CD1B: variants seen among roughly 807,000 people sequenced by gnomAD.
CD1B encodes the protein CD1b molecule.
CD1B carries 43 observed loss-of-function variants against 39.8 expected under a neutral mutation model. That is an observed-to-expected ratio of 1.08 (90% CI 0.85 to 1.39). CD1B has a LOEUF of 1.39. Among genes scored for constraint, CD1B ranks in the 40% most tolerant of loss-of-function variants. The pLI is 0.00. For synonymous variants in CD1B, 192 were observed against 152.5 expected (o/e 1.26, Z -1.91); for missense variants, 495 against 403.8 (o/e 1.23, Z -1.94).
At chr1:158,308,614 T>C in the CD1B span, among the ~76,000 whole-genome samples, 3 of 152,206 alleles carry the variant, frequency 2.0e-5, no homozygotes, top group African/African-American at 4.8e-5. Flanking sequence ...AACAGCATGG[T>C]ACTGGTACCA....
the CD1B span, among the ~76,000 whole-genome samples, chr1:158,312,780 T>C: frequency 6.6e-6 from 1 of 152,224 alleles, no homozygotes; most frequent in African/African-American, 2.4e-5. Context: ...TATATAAAGT[T>C]GTGATCTCCA....
chr1:158,308,479 T>C, the CD1B span, among the ~76,000 whole-genome samples: 11 of 152,186 alleles, frequency 7.2e-5, no homozygotes, highest in Non-Finnish European at 1.3e-4. Flanking sequence ...TGGAAAAAAC[T>C]ACTTTAAAGT....
intron 2 of CD1B, chr1:158,330,592 A>C (rs952025949): frequency 2.8e-6 from 2 of 714,124 alleles, no homozygotes; most frequent in Non-Finnish European, 2.6e-6. Flanking sequence ...TCTGAGAGTA[A>C]GAGAAGAGTG....
chr1:158,331,369 C>G lies in CD1B; in HGVS notation c.55G>C (p.Glu19Gln). The G allele has an allele frequency of 6.2e-7, 1 of 1,613,786 alleles. No homozygotes were observed. Among genetic ancestry groups the G allele is most frequent in the Non-Finnish European group, 8.5e-7 (1 of 1,179,720 alleles). The part of the protein sequence containing the change: ...LAVLFPGGNS[E>Q]HAFQGPTSFH... Reference sequence around the variant, plus strand: ...CTGCCAGAGTGACTCTTACCATGTTCACTGTTACCACCAGGAAAGAGAACA... The same window carrying G: ...CTGCCAGAGTGACTCTTACCATGTTGACTGTTACCACCAGGAAAGAGAACA... The change falls in exon 1 of 6, where the codon GAA becomes CAA. Residue 19 changes from glutamate to glutamine, a missense_variant. By Grantham distance (29) the Glu-to-Gln change is conservative. Coordinates refer to ENST00000368168, the MANE Select transcript of CD1B (RefSeq NM_001764.3).
At chr1:158,292,701 G>A in the CD1B span, 1 of 1,614,180 alleles carries the variant, frequency 6.2e-7, no homozygotes, top group East Asian at 2.2e-5. Context: ...TGGGTGACAT[G>A]GATGCGGAAT....
the CD1B span, among the ~76,000 whole-genome samples, chr1:158,318,383 C>T: frequency 3.9e-5 from 6 of 152,140 alleles, no homozygotes; most frequent in Non-Finnish European, 5.9e-5. Context: ...ATAGTTAACT[C>T]TTCTTGTTGA....
the CD1B span, among the ~76,000 whole-genome samples, chr1:158,288,382 C>G: frequency 6.6e-6 from 1 of 152,076 alleles, no homozygotes; most frequent in African/African-American, 2.4e-5. Flanking sequence ...AAAACAGAAA[C>G]AATGTTACAA....
the CD1B span, among the ~76,000 whole-genome samples, chr1:158,307,772 C>G: frequency 1.3e-5 from 2 of 151,526 alleles, no homozygotes; most frequent in African/African-American, 4.8e-5. Context: ...AGTCCTTTGA[C>G]AAAATTCAAC....
the CD1B span, among the ~76,000 whole-genome samples, chr1:158,300,402 T>G: frequency 6.6e-6 from 1 of 152,086 alleles, no homozygotes; most frequent in Non-Finnish European, 1.5e-5. Context: ...ACTTCCAATT[T>G]TGTGGTCAAT....
chr1:158,300,485 G>A, the CD1B span, among the ~76,000 whole-genome samples: 112 of 152,276 alleles, frequency 7.4e-4, no homozygotes, highest in African/African-American at 2.5e-3. Context: ...TACCGTAGAT[G>A]TCTATTAGGT....
the CD1B span, among the ~76,000 whole-genome samples, chr1:158,318,761 A>G: frequency 2.6e-5 from 4 of 152,020 alleles, no homozygotes; most frequent in African/African-American, 9.7e-5. Flanking sequence ...CCTAGTCTTG[A>G]TGGTCTTTAC....
rs749468130 is a variant in CD1B, at chr1:158,329,584, G to A, written c.672C>T (p.Cys224=). Residue 224 remains cysteine (C), a synonymous_variant, in exon 4 of 6, where the codon TGC becomes TGT. Transcript: ENST00000368168. ...SPGPGRLQLV[C]HVSGFYPKPV... is the part of the protein sequence containing the mutation. ...GCTTTGGGTAGAATCCTGAGACATGGCACACAAGCTGCAGACGGCCAGGTC... is the reference window on the plus strand; with the variant it reads ...GCTTTGGGTAGAATCCTGAGACATGACACACAAGCTGCAGACGGCCAGGTC... 3 of 1,614,106 alleles carry A rather than the reference G, an allele frequency of 1.9e-6. No individual in the cohort carries two copies. Among genetic ancestry groups the A allele is most frequent in the Non-Finnish European group, 1.7e-6 (2 of 1,180,036 alleles).
the CD1B span, among the ~76,000 whole-genome samples, chr1:158,311,941 A>G: frequency 6.6e-6 from 1 of 152,094 alleles, no homozygotes; most frequent in African/African-American, 2.4e-5. Context: ...ATTTCTACAG[A>G]TTTGCCCTTT....
chr1:158,329,589 C>T lies in CD1B; in HGVS notation c.667G>A (p.Val223Met). The change falls in exon 4 of 6, where the codon GTG becomes ATG. Residue 223 changes from valine (V) to methionine (M), a missense_variant. Coordinates refer to ENST00000368168, the MANE Select transcript of CD1B (RefSeq NM_001764.3). The stretch of plus-strand genomic sequence containing the variant: ...GGGTAGAATCCTGAGACATGGCACA[C>T]AAGCTGCAGACGGCCAGGTCCAGGA... The part of the protein sequence containing the change: ...PSPGPGRLQL[V>M]CHVSGFYPKP... The T allele has an allele frequency of 2.5e-6, 4 of 1,614,096 alleles. No homozygotes were observed. Among genetic ancestry groups the T allele is most frequent in the Non-Finnish European group, 3.4e-6 (4 of 1,180,016 alleles).
the CD1B span, chr1:158,293,334 A>G: frequency 1.6e-5 from 26 of 1,596,894 alleles, no homozygotes; most frequent in Non-Finnish European, 2.1e-5. Flanking sequence ...CTCTCCTCCC[A>G]GTTTCTTATT....
At position 158,328,929 on chromosome 1, in the gene CD1B, CAT is replaced by C. The variant is rs1347454907; in HGVS notation, c.970_971del (p.Met324GlufsTer73). On this transcript the variant is annotated frameshift_variant, in exon 5 of 6. Transcript: ENST00000368168. LOFTEE classifies it high-confidence loss of function. ...CACCACCCACAACTCACCGGCGCCTCATATACCATAATGCAAGGCATAGCAAA... is the reference window on the plus strand; with the variant it reads ...CACCACCCACAACTCACCGGCGCCTCATACCATAATGCAAGGCATAGCAAA... ...LLLLCLALWY[M>X]RRRSYQNIP 1 of 1,609,236 alleles carries C rather than the reference CAT, an allele frequency of 6.2e-7. No individual in the cohort carries two copies. The highest frequency in any genetic ancestry group is 1.7e-5 in the Admixed American group (1 of 59,178).
At chr1:158,309,082 T>G in the CD1B span, among the ~76,000 whole-genome samples, 2 of 152,274 alleles carry the variant, frequency 1.3e-5, no homozygotes, top group African/African-American at 4.8e-5. Context: ...AACCTACTCA[T>G]CTGACAAAGG....
the CD1B span, among the ~76,000 whole-genome samples, chr1:158,311,394 C>T: frequency 6.6e-6 from 1 of 152,038 alleles, no homozygotes; most frequent in African/African-American, 2.4e-5. Context: ...TGCCATTGAG[C>T]TCTTTGAGTT....
chr1:158,323,895 G>T (rs1438803776), downstream of CD1B, among the ~76,000 whole-genome samples: 2 of 152,162 alleles, frequency 1.3e-5, no homozygotes. Flanking sequence ...CTGAGACTGG[G>T]TCCCCTCAGG....
Sources: gnomAD v4.1 joint callset for allele counts (sites outside exome capture counted in the v4.1 genomes callset) on GRCh38, gnomAD v4.1.1 for gene constraint, MANE v1.5 for transcripts, NCBI Gene and HGNC (gene_info 2026-07-23, HGNC 2026-07-21) for gene names.